The following DLEU7 variants were observed in gnomAD, a reference collection of about 807,000 sequenced individuals.
The protein encoded by DLEU7 is leukemia-associated protein 7.
DLEU7 carries 17 observed loss-of-function variants against 16.0 expected under a neutral mutation model. That is an observed-to-expected ratio of 1.06 (90% CI 0.73 to 1.59). The LOEUF is 1.59. Among genes scored for constraint, DLEU7 ranks in the 40% most tolerant of loss-of-function variants. The pLI is 0.00. For synonymous variants in DLEU7, 113 were observed against 139.8 expected (o/e 0.81, Z 1.35); for missense variants, 308 against 314.9 (o/e 0.98, Z 0.17).
chr13:50,748,083 TTAA>T (rs1874451810), intron 1 of DLEU7, among the ~76,000 whole-genome samples: 1 of 152,206 alleles, frequency 6.6e-6, no homozygotes, highest in South Asian at 2.1e-4. Flanking sequence ...TAAACAGAAA[TTAA>T]TAAGACTCCA....
Position 50,806,976 on chromosome 13 carries a change from C to CAAAAAAAA in DLEU7, c.459+36204_459+36211dup, listed in dbSNP as rs556761618. Among the ~76,000 whole-genome samples the CAAAAAAAA allele has an allele frequency of 1.7e-3, 91 of 54,162 alleles. 2 individuals carry two copies. Among genetic ancestry groups the CAAAAAAAA allele is most frequent in the African/African-American group, 3.4e-3 (49 of 14,368 alleles). 35.5% of individuals were successfully genotyped at this position (54,162 alleles called of 152,430 possible). A position where few individuals can be genotyped will look rare whatever the true frequency, so the allele number is the denominator to read the frequency against. On this transcript the variant is annotated intron_variant, in intron 1 of 1. Coordinates refer to the DLEU7 transcript ENST00000400393. ...TGGGTGACAGAGCTAGACTCCCTCT[C>CAAAAAAAA]AAAAAAAAAAAAAAAAAAAAAAGTC...
intron 1 of DLEU7, among the ~76,000 whole-genome samples, chr13:50,747,762 T>A (rs1874444167): frequency 6.6e-6 from 1 of 152,174 alleles, no homozygotes; most frequent in South Asian, 2.1e-4. Flanking sequence ...TGCAGTTGAA[T>A]GAGACATTGT....
At chr13:50,793,204 T>C (rs1181327038) in intron 1 of DLEU7, among the ~76,000 whole-genome samples, 1 of 152,162 alleles carries the variant, frequency 6.6e-6, no homozygotes, top group Non-Finnish European at 1.5e-5. Flanking sequence ...GCAAAGGACA[T>C]GATGTCATTC....
downstream of DLEU7, among the ~76,000 whole-genome samples, chr13:50,821,760 G>A (rs1052878077): frequency 6.6e-6 from 1 of 151,926 alleles, no homozygotes; most frequent in African/African-American, 2.4e-5. Context: ...CTTAATATTC[G>A]TTGAGGGAAT....
intron 1 of DLEU7, among the ~76,000 whole-genome samples, chr13:50,735,414 A>T (rs923257594): frequency 2.0e-4 from 30 of 152,190 alleles, no homozygotes; most frequent in African/African-American, 6.3e-4. Flanking sequence ...AAGTCTCAAT[A>T]AATTAAACAA....
intron 1 of DLEU7, among the ~76,000 whole-genome samples, chr13:50,772,886 A>G (rs1300206367): frequency 6.6e-6 from 1 of 152,094 alleles, no homozygotes; most frequent in African/African-American, 2.4e-5. Flanking sequence ...CATTCTCCCC[A>G]TCACTTTCAG....
intron 1 of DLEU7, among the ~76,000 whole-genome samples, chr13:50,770,490 G>A (rs1420371852): frequency 1.3e-5 from 2 of 152,146 alleles, no homozygotes; most frequent in Non-Finnish European, 2.9e-5. Context: ...AAGCGCTGTT[G>A]AATTTTGTCA....
chr13:50,834,444 C>A (rs1016292418), intron 1 of DLEU7, among the ~76,000 whole-genome samples: 27 of 150,854 alleles, frequency 1.8e-4, no homozygotes, highest in Non-Finnish European at 3.0e-5. Flanking sequence ...AAAAAAAAAA[C>A]TCATCATCAC....
At chr13:50,778,826 A>C (rs1338030995) in intron 1 of DLEU7, among the ~76,000 whole-genome samples, 3 of 152,244 alleles carry the variant, frequency 2.0e-5, no homozygotes, top group African/African-American at 7.2e-5. Flanking sequence ...TTAAATAAAG[A>C]AATCTTAAAT....
At chr13:50,749,490 T>C (rs1874498755) in intron 1 of DLEU7, among the ~76,000 whole-genome samples, 1 of 152,200 alleles carries the variant, frequency 6.6e-6, no homozygotes, top group Non-Finnish European at 1.5e-5. Flanking sequence ...AGTTCTACTT[T>C]TACTTCTTTA....
At chr13:50,807,700 GC>G (rs1876435149) in intron 1 of DLEU7, among the ~76,000 whole-genome samples, 1 of 152,132 alleles carries the variant, frequency 6.6e-6, no homozygotes, top group Non-Finnish European at 1.5e-5. Flanking sequence ...TCATAAGCCA[GC>G]CCGGGCATCA....
At chr13:50,755,405 G>C (rs1874724073) in intron 1 of DLEU7, among the ~76,000 whole-genome samples, 1 of 151,878 alleles carries the variant, frequency 6.6e-6, no homozygotes, top group African/African-American at 2.4e-5. Flanking sequence ...TTTTTTCTTT[G>C]TCTTTGTTAT....
chr13:50,751,535 A>G (rs1874563384), intron 1 of DLEU7, among the ~76,000 whole-genome samples: 1 of 152,226 alleles, frequency 6.6e-6, no homozygotes, highest in South Asian at 2.1e-4. Context: ...AATGTCTGGT[A>G]GAATTCTGCT....
chr13:50,842,302 C>T (rs796913396), intron 1 of DLEU7, among the ~76,000 whole-genome samples: 26 of 152,270 alleles, frequency 1.7e-4, no homozygotes, highest in African/African-American at 6.0e-4. Context: ...CTCCTCATCA[C>T]CCCTCCCCAA....
intron 1 of DLEU7, among the ~76,000 whole-genome samples, chr13:50,713,936 C>T (rs548122234): frequency 5.9e-5 from 9 of 152,332 alleles, no homozygotes; most frequent in South Asian, 2.1e-4. Flanking sequence ...CCTCCCGGAC[C>T]GGGCAGTAGG....
chr13:50,724,638 G>A (rs189176573), intron 1 of DLEU7, among the ~76,000 whole-genome samples: 35 of 152,334 alleles, frequency 2.3e-4, no homozygotes, highest in African/African-American at 7.9e-4. Flanking sequence ...TTGCCTTGGA[G>A]ATGATAGAGG....
At chr13:50,832,052 A>G (rs1877290013) in intron 1 of DLEU7, among the ~76,000 whole-genome samples, 1 of 152,154 alleles carries the variant, frequency 6.6e-6, no homozygotes, top group Non-Finnish European at 1.5e-5. Context: ...TAGTTACAGA[A>G]GGAATGGTAT....
intron 1 of DLEU7, among the ~76,000 whole-genome samples, chr13:50,830,907 C>G (rs1196842519): frequency 6.6e-6 from 1 of 152,148 alleles, no homozygotes; most frequent in East Asian, 1.9e-4. Flanking sequence ...CCCCTTTGGC[C>G]AAGCTATTAT....
At chr13:50,749,902 A>G (rs1874514984) in intron 1 of DLEU7, among the ~76,000 whole-genome samples, 1 of 151,972 alleles carries the variant, frequency 6.6e-6, no homozygotes, top group African/African-American at 2.4e-5. Context: ...GTTTACTCTG[A>G]CTGTTCCTTT....
Sources: gnomAD v4.1 joint callset for allele counts (sites outside exome capture counted in the v4.1 genomes callset) on GRCh38, gnomAD v4.1.1 for gene constraint, MANE v1.5 for transcripts, NCBI Gene and HGNC (gene_info 2026-07-23, HGNC 2026-07-21) for gene names.